The following HTR1F variants were observed in gnomAD, a reference collection of about 807,000 sequenced individuals.
The protein encoded by HTR1F is 5-hydroxytryptamine receptor 1F.
In HTR1F, 17 loss-of-function variants were observed where a neutral mutation model predicts 24.0. The ratio of observed to expected loss-of-function variants is 0.71; its 90% CI spans 0.48 to 1.06. The LOEUF (loss-of-function observed/expected upper bound fraction) is 1.06, where lower values mean the gene tolerates loss of function less well. Ranked by LOEUF, HTR1F falls within the 50% of genes least tolerant of loss-of-function variation. The probability of loss-of-function intolerance (pLI) is 0.00; values close to 1 mark genes in which losing one functional copy is unlikely to be tolerated. For missense variants in HTR1F, 391 were observed against 427.8 expected, an observed-to-expected ratio of 0.91 and a Z score of 0.76; for synonymous variants, 186 against 156.8, an observed-to-expected ratio of 1.19 and a Z score of -1.39.
chr3:87,927,758 T>G (rs573614652), intron 2 of HTR1F, among the ~76,000 whole-genome samples: 7 of 152,270 alleles, frequency 4.6e-5, no homozygotes, highest in African/African-American at 1.7e-4. Flanking sequence ...CATGCCTACC[T>G]GTACAAAGCA....
chr3:87,967,593 G>T (rs912178166), intron 2 of HTR1F, among the ~76,000 whole-genome samples: 2 of 151,866 alleles, frequency 1.3e-5, no homozygotes, highest in Admixed American at 6.6e-5. Flanking sequence ...TCATGGGGGG[G>T]GGTGGGTAGG....
intron 1 of HTR1F, among the ~76,000 whole-genome samples, chr3:87,810,934 T>C (rs1244961583): frequency 1.3e-5 from 2 of 152,228 alleles, no homozygotes; most frequent in Non-Finnish European, 2.9e-5. Flanking sequence ...CTGAGATAGA[T>C]CTTATATCAG....
intron 2 of HTR1F, among the ~76,000 whole-genome samples, chr3:87,878,508 T>C (rs1419756790): frequency 2.6e-5 from 4 of 152,188 alleles, no homozygotes; most frequent in Admixed American, 2.0e-4. Flanking sequence ...GCTCATAGTT[T>C]TGTTTCACCT....
At chr3:87,829,648 A>G (rs1385777001) in intron 2 of HTR1F, among the ~76,000 whole-genome samples, 2 of 152,230 alleles carry the variant, frequency 1.3e-5, no homozygotes, top group Non-Finnish European at 2.9e-5. Context: ...CTCACCAAAC[A>G]TGCTATTAAC....
At chr3:87,863,147 A>G (rs370288740) in intron 2 of HTR1F, among the ~76,000 whole-genome samples, 21 of 152,146 alleles carry the variant, frequency 1.4e-4, no homozygotes, top group African/African-American at 5.1e-4. Context: ...AGCCTTTTAT[A>G]TGAATGAATT....
At chr3:87,871,759 A>G (rs1705563455) in intron 2 of HTR1F, among the ~76,000 whole-genome samples, 2 of 152,174 alleles carry the variant, frequency 1.3e-5, no homozygotes, top group Non-Finnish European at 2.9e-5. Context: ...GCACCCAAAT[A>G]TATGAAGCAA....
rs1400393280 is a variant in HTR1F at position 87,864,149 on chromosome 3, G to A, written c.-43+42025G>A. Among the ~76,000 whole-genome samples, 3 of 152,108 alleles carry A rather than the reference G, an allele frequency of 2.0e-5. No individual in the cohort carries two copies. The East Asian group carries it at 5.8e-4, about 29-fold the overall frequency. On this transcript the variant is annotated intron_variant, in intron 2 of 2. Transcript: ENST00000319595. ...TTCCAGAAAAATCTCCCTTTTTCTG[G>A]GTCAAATGATTAGCAACCTGAACTC...
chr3:87,963,413 G>A (rs1705102599), intron 2 of HTR1F, among the ~76,000 whole-genome samples: 2 of 152,044 alleles, frequency 1.3e-5, no homozygotes, highest in Non-Finnish European at 2.9e-5. Context: ...ATCCTGATGT[G>A]CCTAATTGCC....
chr3:87,919,231 A>T (rs1433304140), intron 2 of HTR1F, among the ~76,000 whole-genome samples: 1 of 152,164 alleles, frequency 6.6e-6, no homozygotes, highest in Non-Finnish European at 1.5e-5. Context: ...TTCAAGATGG[A>T]TTAAGGACTT....
chr3:87,990,721 A>C lies in HTR1F; in HGVS notation c.-29A>C, dbSNP rs771374882. ...CCCTTGTTACAGGTATCCATTTTTC[A>C]GCTATATTAATCTTTTAAAACAAAG... On this transcript the variant is annotated 5_prime_UTR_variant, in exon 3 of 3. Transcript: ENST00000319595. 1.3e-6 allele frequency: 2 copies of C among 1,545,242 alleles called. No homozygotes were observed. The highest frequency in any genetic ancestry group is 1.8e-6 in the Non-Finnish European group (2 of 1,127,882).
chr3:87,921,190 A>G (rs1301961308), intron 2 of HTR1F, among the ~76,000 whole-genome samples: 3 of 152,022 alleles, frequency 2.0e-5, no homozygotes, highest in Admixed American at 6.6e-5. Context: ...TCAGAACATA[A>G]TTCTGATTCT....
chr3:87,869,252 G>A (rs911032013), intron 2 of HTR1F, among the ~76,000 whole-genome samples: 1 of 151,818 alleles, frequency 6.6e-6, no homozygotes, highest in Non-Finnish European at 1.5e-5. Flanking sequence ...AATTCAAATA[G>A]GTCCTTGTAA....
chr3:87,972,259 C>T (rs1045096892), intron 2 of HTR1F, among the ~76,000 whole-genome samples: 1 of 152,182 alleles, frequency 6.6e-6, no homozygotes, highest in African/African-American at 2.4e-5. Flanking sequence ...TTACCATATA[C>T]ATATATCAAA....
intron 1 of HTR1F, among the ~76,000 whole-genome samples, chr3:87,809,696 A>G (rs897186510): frequency 2.0e-5 from 3 of 152,000 alleles, no homozygotes; most frequent in Admixed American, 6.6e-5. Context: ...ACATTTGTCT[A>G]TCTTCCATTG....
intron 1 of HTR1F, among the ~76,000 whole-genome samples, chr3:87,808,585 T>A: frequency 6.6e-6 from 1 of 151,844 alleles, no homozygotes; most frequent in East Asian, 1.9e-4. Context: ...CATTTATCCT[T>A]TGCATTTTTT....
In HTR1F at chr3:87,917,385, C is replaced by CAA. The variant is rs371235870; in HGVS notation, c.-42-73310_-42-73309dup. Among the ~76,000 whole-genome samples, 160 of 107,420 alleles carry CAA rather than the reference C, an allele frequency of 1.5e-3. 2 individuals carry two copies. Among genetic ancestry groups the CAA allele is most frequent in the Middle Eastern group, 4.7e-3 (1 of 214 alleles). 70.5% of individuals were successfully genotyped at this position (107,420 alleles called of 152,430 possible). Reference sequence around the variant, plus strand: ...AGAGCAGAACTAAATGAAATTGAAGCAAAAAAAAAAAAAATACAAAAGTTA... The same window carrying CAA: ...AGAGCAGAACTAAATGAAATTGAAGCAAAAAAAAAAAAAAAATACAAAAGTTA... On this transcript the variant is annotated intron_variant, in intron 2 of 2. Transcript: ENST00000319595.
chr3:87,835,565 A>G lies in HTR1F; in HGVS notation c.-43+13441A>G, dbSNP rs1487432278. Among the ~76,000 whole-genome samples, 23 of 152,364 alleles carry G rather than the reference A, an allele frequency of 1.5e-4. 1 individual carries two copies. The highest frequency in any genetic ancestry group is 1.5e-3 in the Admixed American group (23 of 15,308). ...ATCTGTCTCAAAAACTTTAGAAGTC[A>G]CAATAGACCATGCATATAAAGCAGT... On this transcript the variant is annotated intron_variant, in intron 2 of 2. Coordinates refer to ENST00000319595, the MANE Select transcript of HTR1F (RefSeq NM_001322209.2).
chr3:87,854,775 T>C (rs1029325463), intron 2 of HTR1F, among the ~76,000 whole-genome samples: 8 of 152,094 alleles, frequency 5.3e-5, no homozygotes, highest in Admixed American at 5.3e-4. Flanking sequence ...TTTTGTTTTG[T>C]GGTTCGAGAC....
intron 2 of HTR1F, among the ~76,000 whole-genome samples, chr3:87,940,201 T>C (rs1704534670): frequency 6.6e-6 from 1 of 152,248 alleles, no homozygotes; most frequent in Admixed American, 6.5e-5. Context: ...TTCTGAGTTC[T>C]AATTTGATTG....
Sources: gnomAD v4.1 joint callset for allele counts (sites outside exome capture counted in the v4.1 genomes callset) on GRCh38, gnomAD v4.1.1 for gene constraint, MANE v1.5 for transcripts, NCBI Gene and HGNC (gene_info 2026-07-23, HGNC 2026-07-21) for gene names.